Variants in PARP1 observed in about 807,000 individuals in gnomAD.
The protein encoded by PARP1 is poly [ADP-ribose] polymerase 1.
PARP1 carries 44 observed loss-of-function variants against 118.7 expected under a neutral mutation model. The observed-to-expected ratio is 0.37, with a 90% CI of 0.29 to 0.48. The LOEUF (loss-of-function observed/expected upper bound fraction) is 0.48, where lower values mean the gene tolerates loss of function less well. Among genes scored for constraint, PARP1 ranks in the 20% least tolerant of loss-of-function variants. PARP1 has a pLI of 0.99. For missense variants in PARP1, 1,100 were observed against 1,272.4 expected, an observed-to-expected ratio of 0.86 and a Z score of 2.06; for synonymous variants, 492 against 483.2, an observed-to-expected ratio of 1.02 and a Z score of -0.24.
chr1:226,365,022 CTA>C lies in PARP1; in HGVS notation c.2636_2637del (p.Ile879SerfsTer4), dbSNP rs1664229912. 6.2e-7 allele frequency: 1 copy of C among 1,613,962 alleles called. No individual in the cohort carries two copies. Among genetic ancestry groups the C allele is most frequent in the African/African-American group, 1.3e-5 (1 of 74,948 alleles). Reference protein sequence around the residue: ...FAGILSQGLRIAPPEAPVTGY... With the variant: ...FAGILSQGLRXAPPEAPVTGY... ...CATACCACGGGCGCTTCAGGCGGGG[CTA>C]TCCGAAGACCCTGGGACAGGATCCC... On this transcript the variant is annotated frameshift_variant, in exon 19 of 23. Transcript: ENST00000366794. LOFTEE classifies it high-confidence loss of function.
At chr1:226,378,406 TA>T (rs555462858) in intron 12 of PARP1, among the ~76,000 whole-genome samples, 4,551 of 143,736 alleles carry the variant, frequency 0.032, 190 homozygotes, top group African/African-American at 0.1. Context: ...CTCACCATGT[TA>T]AAAAAAAAAA....
Position 226,367,427 on chromosome 1 carries a change from G to A in PARP1, c.2406+53C>T, listed in dbSNP as rs190213679. On this transcript the variant is annotated intron_variant, in intron 17 of 22. Coordinates refer to ENST00000366794, the MANE Select transcript of PARP1 (RefSeq NM_001618.4). ...CTAACACACATGGAAGTTTGGGACC[G>A]CTGCTCTCAGGATGAGAGGTTAAGA... 42 of 1,598,746 alleles carry A rather than the reference G, an allele frequency of 2.6e-5. No homozygotes were observed. The African/African-American group carries it at 4.3e-4, about 16-fold the overall frequency.
intron 1 of PARP1, 123 bp downstream of exon 1, chr1:226,407,687 C>A: frequency 2.0e-6 from 2 of 1,000,574 alleles, no homozygotes; most frequent in Non-Finnish European, 2.7e-6. Flanking sequence ...CCCATAGGCC[C>A]CAAGTGCCGC....
intron 17 of PARP1, chr1:226,367,058 G>C: frequency 3.7e-6 from 1 of 272,962 alleles, no homozygotes; most frequent in Non-Finnish European, 7.1e-6. Context: ...TTTTATTACA[G>C]GTGCCATCAA....
chr1:226,402,172 G>A, intron 2 of PARP1, 42 bp downstream of exon 2: 2 of 1,614,186 alleles, frequency 1.2e-6, no homozygotes, highest in Non-Finnish European at 1.7e-6. Context: ...GGGAGCTTCA[G>A]GGTGGGGGCT....
intron 1 of PARP1, among the ~76,000 whole-genome samples, chr1:226,405,976 G>A (rs527408197): frequency 5.3e-5 from 8 of 152,154 alleles, no homozygotes; most frequent in East Asian, 3.9e-4. Context: ...AAAAAGGCTC[G>A]AAAAGGAAAC....
intron 16 of PARP1, 54 bp from the exon 17 acceptor site, chr1:226,367,662 C>G: frequency 6.2e-7 from 1 of 1,607,344 alleles, no homozygotes; most frequent in Non-Finnish European, 8.5e-7. Context: ...ATGAGACAGA[C>G]TCACCCAGGT....
chr1:226,382,926 A>T, intron 8 of PARP1, 110 bp downstream of exon 8: 1 of 1,293,726 alleles, frequency 7.7e-7, no homozygotes, highest in East Asian at 2.3e-5. Context: ...TGGGGTCAGC[A>T]AAGAGAGACC....
At chr1:226,401,633 G>A (rs915334189) in intron 2 of PARP1, among the ~76,000 whole-genome samples, 2 of 152,170 alleles carry the variant, frequency 1.3e-5, no homozygotes, top group African/African-American at 4.8e-5. Flanking sequence ...TGGTGTCTGA[G>A]CCCCACCTCC....
chr1:226,400,299 G>GAAAAC (rs1236595345), intron 2 of PARP1, among the ~76,000 whole-genome samples: 2 of 151,280 alleles, frequency 1.3e-5, no homozygotes, highest in Non-Finnish European at 2.9e-5. Context: ...ACTCCATCTC[G>GAAAAC]AAAACAAAAC....
chr1:226,399,074 T>G (rs930461131), intron 2 of PARP1, among the ~76,000 whole-genome samples: 1 of 45,458 alleles, frequency 2.2e-5, no homozygotes, highest in Non-Finnish European at 4.4e-5. Context: ...TGGAGGAATC[T>G]TTTTTTTTTT....
At chr1:226,394,883 C>T (rs532365248) in intron 2 of PARP1, among the ~76,000 whole-genome samples, 12 of 152,302 alleles carry the variant, frequency 7.9e-5, no homozygotes, top group African/African-American at 2.9e-4. Context: ...ACTTCCTCAC[C>T]TGTAAAAACT....
rs1045389347 is a variant in PARP1, at chr1:226,385,647, C to T, written c.868G>A (p.Gly290Ser). Residue 290 changes from glycine (G) to serine (S), a missense_variant, in exon 7 of 23, where the codon GGT becomes AGT. Coordinates refer to ENST00000366794, the MANE Select transcript of PARP1 (RefSeq NM_001618.4). ...LDRVADGMVFGALLPCEECSG... is the reference protein window; with the variant it reads ...LDRVADGMVFSALLPCEECSG... ...CATTCCTCGCAGGGAAGGAGGGCAC[C>T]GAACACCATGCCATCAGCTACTCGG... 5 of 1,614,138 alleles carry T rather than the reference C, an allele frequency of 3.1e-6. No homozygotes were observed. Among genetic ancestry groups the T allele is most frequent in the South Asian group, 1.1e-5 (1 of 91,074 alleles).
Position 226,402,374 on chromosome 1 carries a change from G to A in PARP1, c.126C>T (p.Pro42=), listed in dbSNP as rs1299324246. 1.2e-6 allele frequency: 2 copies of A among 1,612,880 alleles called. No individual in the cohort carries two copies. Among genetic ancestry groups the A allele is most frequent in the Non-Finnish European group, 1.7e-6 (2 of 1,179,958 alleles). Residue 42 remains proline, a synonymous_variant, in exon 2 of 23, where the codon CCC becomes CCT. Coordinates refer to ENST00000366794, the MANE Select transcript of PARP1 (RefSeq NM_001618.4). ...SLRMAIMVQS[P]MFDGKVPHWY... ...AGTGTGGGACTTTTCCATCAAACATGGGCGACTAGAAGGAAGAGAAACAGA... is the reference window on the plus strand; with the variant it reads ...AGTGTGGGACTTTTCCATCAAACATAGGCGACTAGAAGGAAGAGAAACAGA...
intron 11 of PARP1, 31 bp downstream of exon 11, chr1:226,379,542 G>A (rs2102735065): frequency 1.3e-6 from 2 of 1,575,262 alleles, no homozygotes; most frequent in Non-Finnish European, 1.7e-6. Context: ...GGGCGGCACA[G>A]CCCACTTTGC....
At chr1:226,364,309 C>T in intron 19 of PARP1, 1 of 472,694 alleles carries the variant, frequency 2.1e-6, no homozygotes, top group Non-Finnish European at 4.0e-6. Context: ...CTGGACTCTA[C>T]TTGCCTCTTT....
Position 226,365,170 on chromosome 1 carries a change from A to G in PARP1, c.2506-16T>C, listed in dbSNP as rs759195152. The G allele has an allele frequency of 1.2e-6, 2 of 1,614,040 alleles. No homozygotes were observed. Among genetic ancestry groups the G allele is most frequent in the South Asian group, 2.2e-5 (2 of 91,088 alleles). On this transcript the variant is annotated splice_polypyrimidine_tract_variant and intron_variant, in intron 18 of 22. Coordinates refer to ENST00000366794, the MANE Select transcript of PARP1 (RefSeq NM_001618.4). ...TCTTAAAGATCTGGTTGGAGTAGTA[A>G]ACAAAGGGAAGGACAAAAGAAGCCA...
chr1:226,403,260 CCT>C lies in PARP1; in HGVS notation c.121-883_121-882del, dbSNP rs1303609490. ...GTGGTGCGATCTCAGCTCACTGCAA[CCT>C]CTGTCTCCTGGGTTCAAGCGATTCT... On this transcript the variant is annotated intron_variant, in intron 1 of 22. Coordinates refer to ENST00000366794, the MANE Select transcript of PARP1 (RefSeq NM_001618.4). Among the ~76,000 whole-genome samples, 11 of 152,334 alleles carry C rather than the reference CCT, an allele frequency of 7.2e-5. 1 individual carries two copies. The highest frequency in any genetic ancestry group is 2.4e-4 in the African/African-American group (10 of 41,566).
rs757124333 is a variant in PARP1 at position 226,392,249 on chromosome 1, C to T, written c.352G>A (p.Ala118Thr). 10 of 1,614,070 alleles carry T rather than the reference C, an allele frequency of 6.2e-6. No individual in the cohort carries two copies. Among genetic ancestry groups the T allele is most frequent in the Admixed American group, 1.7e-5 (1 of 60,018 alleles). The change falls in exon 3 of 23, where the codon GCC (alanine) becomes ACC (threonine). Residue 118 changes from alanine to threonine, a missense_variant. Physicochemically the swap from Ala to Thr is moderately conservative, Grantham distance 58. This residue lies in a region of PARP1 where 948 missense variants were observed against 1,031.8 expected (regional missense o/e 0.92). Transcript: ENST00000366794. ...TTGCACGTACTTCTGTTGGACTTGG[C>T]ATACTCTGCTGCAAAGTCACCCAGA... Reference protein sequence around the residue: ...KTLGDFAAEYAKSNRSTCKGC... With the variant: ...KTLGDFAAEYTKSNRSTCKGC...
Sources: allele counts gnomAD v4.1 joint callset (sites outside exome capture counted in the v4.1 genomes callset), GRCh38; gene constraint gnomAD v4.1.1; regional missense constraint gnomAD v4.1.1; transcripts MANE v1.5; gene names NCBI Gene and HGNC (gene_info 2026-07-23, HGNC 2026-07-21).